GALNT13: variants seen among roughly 807,000 people sequenced by gnomAD.
The protein encoded by GALNT13 is polypeptide N-acetylgalactosaminyltransferase 13, also known as UDP-GalNAc:polypeptide N-acetylgalactosaminyltransferase 13.
A neutral mutation model predicts 64.2 loss-of-function variants in GALNT13; 28 were observed. That is an observed-to-expected ratio of 0.44 (90% CI 0.32 to 0.60). GALNT13 has a LOEUF of 0.60. Among genes scored for constraint, GALNT13 ranks in the 20% least tolerant of loss-of-function variants. The probability of loss-of-function intolerance (pLI) is 0.05; values close to 1 mark genes in which losing one functional copy is unlikely to be tolerated. For missense variants in GALNT13, 577 were observed against 669.8 expected, an observed-to-expected ratio of 0.86 and a Z score of 1.53; for synonymous variants, 214 against 224.6, an observed-to-expected ratio of 0.95 and a Z score of 0.42.
At chr2:153,476,852 G>C in the GALNT13 span, among the ~76,000 whole-genome samples, 27 of 152,098 alleles carry the variant, frequency 1.8e-4, no homozygotes, top group African/African-American at 5.8e-4. Context: ...ACTTTTCCTC[G>C]CATTTTATAA....
At chr2:154,220,474 T>G (rs1399066862) in intron 4 of GALNT13, among the ~76,000 whole-genome samples, 1 of 152,088 alleles carries the variant, frequency 6.6e-6, no homozygotes, top group African/African-American at 2.4e-5. Context: ...TACTAGGTCT[T>G]AAGCTCTTAA....
the GALNT13 span, among the ~76,000 whole-genome samples, chr2:153,671,627 G>A: frequency 3.3e-5 from 5 of 152,288 alleles, no homozygotes; most frequent in South Asian, 1.0e-3. Flanking sequence ...TTGACACTAT[G>A]AAGAAACTGC....
intron 10 of GALNT13, among the ~76,000 whole-genome samples, chr2:154,408,447 G>T (rs77753076): frequency 0.012 from 1,872 of 152,112 alleles, 49 homozygotes; most frequent in African/African-American, 0.043. Flanking sequence ...AGGCATGAAA[G>T]AAGATGCATG....
chr2:153,583,730 C>T, the GALNT13 span, among the ~76,000 whole-genome samples: 5 of 152,186 alleles, frequency 3.3e-5, no homozygotes, highest in African/African-American at 1.2e-4. Context: ...TACTATAAGA[C>T]ATCATTCTTG....
intron 4 of GALNT13, among the ~76,000 whole-genome samples, chr2:154,202,079 A>C (rs1687200124): frequency 6.6e-6 from 1 of 152,104 alleles, no homozygotes; most frequent in South Asian, 2.1e-4. Flanking sequence ...TTTGTGAAAC[A>C]CCTACTTTGT....
the GALNT13 span, among the ~76,000 whole-genome samples, chr2:153,453,386 T>C: frequency 6.6e-6 from 1 of 152,128 alleles, no homozygotes; most frequent in Non-Finnish European, 1.5e-5. Context: ...AGAGGCCAAA[T>C]ATCTGGAATC....
the GALNT13 span, among the ~76,000 whole-genome samples, chr2:153,702,466 TA>T: frequency 4.4e-4 from 67 of 151,790 alleles, no homozygotes; most frequent in African/African-American, 1.4e-3. Context: ...AGAAATTAAA[TA>T]AAATAAATAA....
the GALNT13 span, among the ~76,000 whole-genome samples, chr2:153,325,119 T>TG: frequency 0.055 from 1,143 of 20,820 alleles, 25 homozygotes; most frequent in East Asian, 0.12. Flanking sequence ...CCTGGGTTTT[T>TG]TTTTTTTTTT....
chr2:153,397,099 T>A, the GALNT13 span, among the ~76,000 whole-genome samples: 1 of 152,168 alleles, frequency 6.6e-6, no homozygotes, highest in Non-Finnish European at 1.5e-5. Context: ...GATTGCTTCT[T>A]CTATAAGTAT....
intron 4 of GALNT13, among the ~76,000 whole-genome samples, chr2:154,198,111 GAAATTACCTTTTTAAGAAATTA>G (rs1686975465): frequency 6.6e-6 from 1 of 151,976 alleles, no homozygotes; most frequent in South Asian, 2.1e-4. Context: ...ACATTTTTAA[GAAATTACCTTTTTAAGAAATTA>G]AAAAGGTAAA....
the GALNT13 span, among the ~76,000 whole-genome samples, chr2:153,654,407 A>G: frequency 6.6e-6 from 1 of 152,092 alleles, no homozygotes; most frequent in Non-Finnish European, 1.5e-5. Context: ...TTTGTAGGTG[A>G]GATAATGTCA....
the GALNT13 span, among the ~76,000 whole-genome samples, chr2:153,550,387 G>A: frequency 1.3e-5 from 2 of 151,688 alleles, no homozygotes; most frequent in Admixed American, 6.6e-5. Flanking sequence ...GATGTGCACC[G>A]CCACACTCAG....
the GALNT13 span, among the ~76,000 whole-genome samples, chr2:153,158,262 G>A: frequency 8.6e-5 from 13 of 151,958 alleles, no homozygotes; most frequent in African/African-American, 3.1e-4. Flanking sequence ...ACAAAATAAT[G>A]CTTTAAAGAT....
the GALNT13 span, among the ~76,000 whole-genome samples, chr2:153,514,645 AC>A: frequency 8.5e-5 from 13 of 152,090 alleles, no homozygotes; most frequent in Non-Finnish European, 1.8e-4. Flanking sequence ...AGAGGAACTT[AC>A]CAGGATTTCT....
the GALNT13 span, among the ~76,000 whole-genome samples, chr2:153,202,002 G>A: frequency 7.2e-6 from 1 of 138,160 alleles, no homozygotes; most frequent in African/African-American, 2.8e-5. Context: ...TTTTGAGACG[G>A]AGTTTCGCTC....
At chr2:153,868,028 T>A (rs1685795320), upstream of GALNT13, among the ~76,000 whole-genome samples, 1 of 152,136 alleles carries the variant, frequency 6.6e-6, no homozygotes, top group South Asian at 2.1e-4. Context: ...AGGACATACC[T>A]CAGCAAAATG....
chr2:153,316,597 C>T, the GALNT13 span, among the ~76,000 whole-genome samples: 9 of 143,894 alleles, frequency 6.3e-5, no homozygotes, highest in Admixed American at 6.4e-4. Context: ...GCCGAGATTG[C>T]GCCACTGCAC....
At chr2:153,353,663 G>A in the GALNT13 span, among the ~76,000 whole-genome samples, 1 of 152,182 alleles carries the variant, frequency 6.6e-6, no homozygotes, top group East Asian at 1.9e-4. Flanking sequence ...TCATGAATGG[G>A]TGTTCGTTTT....
chr2:154,010,117 CT>C (rs1319770946), intron 3 of GALNT13, among the ~76,000 whole-genome samples: 1 of 152,080 alleles, frequency 6.6e-6, no homozygotes, highest in Admixed American at 6.6e-5. Flanking sequence ...AGAGAGATGG[CT>C]TTACCTCCTC....
Sources: allele counts gnomAD v4.1 joint callset (sites outside exome capture counted in the v4.1 genomes callset), GRCh38; gene constraint gnomAD v4.1.1; transcripts MANE v1.5; gene names NCBI Gene and HGNC (gene_info 2026-07-23, HGNC 2026-07-21).